Variants in SPRY3 observed in about 807,000 individuals in gnomAD.
SPRY3 encodes protein sprouty homolog 3.
A neutral mutation model predicts 20.2 loss-of-function variants in SPRY3; 15 were observed. That is an observed-to-expected ratio of 0.74 (90% CI 0.50 to 1.14). The LOEUF is 1.14. Among genes scored for constraint, SPRY3 ranks in the 50% most tolerant of loss-of-function variants. The pLI is 0.00. For synonymous variants in SPRY3, 143 were observed against 136.5 expected (o/e 1.05, Z -0.33); for missense variants, 364 against 363.9 (o/e 1.00, Z 0.00).
At chrX:155,765,041 C>T (rs1450763931) in intron 2 of SPRY3, among the ~76,000 whole-genome samples, 3 of 152,120 alleles carry the variant, frequency 2.0e-5, no homozygotes, top group Admixed American at 6.6e-5. Context: ...TTCGGGGCCT[C>T]TTTTATAAGA....
At chrX:155,742,156 C>T (rs1416924230) in intron 2 of SPRY3, among the ~76,000 whole-genome samples, 2 of 152,076 alleles carry the variant, frequency 1.3e-5, no homozygotes, top group East Asian at 3.9e-4. Flanking sequence ...GGAAAATTTA[C>T]CAAGCAAATG....
chrX:155,642,306 C>T (rs2067944537), intron 1 of SPRY3, among the ~76,000 whole-genome samples: 2 of 111,850 alleles, frequency 1.8e-5, no homozygotes, highest in African/African-American at 6.5e-5. Flanking sequence ...ACTAAAAATC[C>T]TTCAAACGTC....
intron 2 of SPRY3, among the ~76,000 whole-genome samples, chrX:155,733,565 C>T (rs1375941760): frequency 6.6e-6 from 1 of 151,796 alleles, no homozygotes; most frequent in Non-Finnish European, 1.5e-5. Flanking sequence ...TTTTTAAGGG[C>T]CCAAGGACTT....
intron 2 of SPRY3, among the ~76,000 whole-genome samples, chrX:155,673,711 C>CTA (rs1166651628): frequency 1.8e-5 from 2 of 112,111 alleles, no homozygotes; most frequent in African/African-American, 6.5e-5. Context: ...CAAAATTTAT[C>CTA]TATGCTCTTT....
chrX:155,774,230 G>C (rs753834123), exon 4 of SPRY3: 1 of 1,613,994 alleles, frequency 6.2e-7, no homozygotes, highest in Non-Finnish European at 8.5e-7. Context: ...CCTGGAGCAG[G>C]GGTCCACCCA....
At chrX:155,682,675 C>T (rs1193442924) in intron 2 of SPRY3, among the ~76,000 whole-genome samples, 4 of 111,799 alleles carry the variant, frequency 3.6e-5, no homozygotes, top group African/African-American at 1.3e-4. Context: ...TGTGTGCCAT[C>T]GCACCTGGCT....
At chrX:155,632,387 TA>T (rs782714665) in intron 1 of SPRY3, among the ~76,000 whole-genome samples, 1 of 111,064 alleles carries the variant, frequency 9.0e-6, no homozygotes, top group Non-Finnish European at 1.9e-5. Flanking sequence ...CTTGGAAGAT[TA>T]AAAAAAACAT....
intron 2 of SPRY3, among the ~76,000 whole-genome samples, chrX:155,742,416 C>T (rs1015410263): frequency 9.9e-5 from 15 of 152,110 alleles, no homozygotes; most frequent in African/African-American, 3.4e-4. Context: ...ACTCCACTGT[C>T]AATATTAGAC....
At chrX:155,637,991 T>A (rs1200716730) in intron 1 of SPRY3, among the ~76,000 whole-genome samples, 2 of 98,161 alleles carry the variant, frequency 2.0e-5, no homozygotes, top group African/African-American at 7.3e-5. Flanking sequence ...TTTTTTTTTT[T>A]AATTTAGCCA....
At chrX:155,719,389 C>T (rs2091041771) in intron 2 of SPRY3, among the ~76,000 whole-genome samples, 2 of 151,136 alleles carry the variant, frequency 1.3e-5, no homozygotes, top group African/African-American at 2.4e-5. Flanking sequence ...ACAGTCTAGG[C>T]CACAAGGACA....
intron 2 of SPRY3, among the ~76,000 whole-genome samples, chrX:155,704,354 C>G (rs910905038): frequency 1.1e-4 from 16 of 151,470 alleles, no homozygotes; most frequent in African/African-American, 3.6e-4. Context: ...AAATAAAAAA[C>G]AAAATAACGG....
intron 3 of SPRY3, among the ~76,000 whole-genome samples, chrX:155,769,263 G>C (rs2091366597): frequency 6.6e-6 from 1 of 152,144 alleles, no homozygotes; most frequent in African/African-American, 2.4e-5. Flanking sequence ...TATTTATTAA[G>C]AGTTGAGGAG....
exon 4 of SPRY3, chrX:155,773,995 C>T: frequency 6.2e-7 from 1 of 1,613,966 alleles, no homozygotes; most frequent in Non-Finnish European, 8.5e-7. Flanking sequence ...CCTCTCCAGC[C>T]CTTCCCTTAT....
At chrX:155,696,008 A>G (rs1248675074) in intron 2 of SPRY3, among the ~76,000 whole-genome samples, 1 of 110,585 alleles carries the variant, frequency 9.0e-6, no homozygotes, top group African/African-American at 3.3e-5. Context: ...GTGTCCAGTA[A>G]TTTTGGATTA....
At chrX:155,663,625 T>C (rs1421324078) in intron 2 of SPRY3, among the ~76,000 whole-genome samples, 2 of 111,365 alleles carry the variant, frequency 1.8e-5, no homozygotes, top group Non-Finnish European at 3.8e-5. Flanking sequence ...ACTCTTCAAA[T>C]GTTGTACTAG....
chrX:155,681,252 T>G (rs2068073424), intron 2 of SPRY3, among the ~76,000 whole-genome samples: 1 of 111,367 alleles, frequency 9.0e-6, no homozygotes. Context: ...GATCTGATGG[T>G]TTTATCAGGG....
At chrX:155,725,642 A>T (rs1046836066) in intron 2 of SPRY3, among the ~76,000 whole-genome samples, 1 of 152,082 alleles carries the variant, frequency 6.6e-6, no homozygotes, top group Non-Finnish European at 1.5e-5. Context: ...GGTAGTTTGT[A>T]TTTCTGTGGG....
rs145522331 is a variant in SPRY3 at position 155,741,519 on chromosome X, C to T, written c.-281-26443C>T. On this transcript the variant is annotated intron_variant, in intron 2 of 3. Transcript: ENST00000675360. ...TCCAGAGAACCCCAGTAAGATGCTCCATGAGAAGATCAAACCCCAAGACAC... is the reference window on the plus strand; with the variant it reads ...TCCAGAGAACCCCAGTAAGATGCTCTATGAGAAGATCAAACCCCAAGACAC... Among the ~76,000 whole-genome samples the T allele has an allele frequency of 1.6e-3, 249 of 152,148 alleles. No homozygotes were observed. The East Asian group carries it at 0.043, about 26-fold the overall frequency.
chrX:155,640,225 A>T (rs1354095298), intron 1 of SPRY3, among the ~76,000 whole-genome samples: 3 of 112,359 alleles, frequency 2.7e-5, no homozygotes, highest in Non-Finnish European at 5.6e-5. Context: ...AAGCCTTTTC[A>T]ATAACAAAGA....
Sources: allele counts gnomAD v4.1 joint callset (sites outside exome capture counted in the v4.1 genomes callset), GRCh38; gene constraint gnomAD v4.1.1; transcripts MANE v1.5; gene names NCBI Gene and HGNC (gene_info 2026-07-23, HGNC 2026-07-21).